DHX37: variants seen among roughly 807,000 people sequenced by gnomAD.
DHX37 encodes the protein DEAH-box helicase 37, also known as probable ATP-dependent RNA helicase DHX37.
Under a neutral mutation model 134.3 loss-of-function variants are expected in DHX37, and 52 were observed. The observed-to-expected ratio is 0.39, with a 90% CI of 0.31 to 0.49. DHX37 has a LOEUF of 0.49. Ranked by LOEUF, DHX37 falls within the 20% of genes least tolerant of loss-of-function variation. The probability of loss-of-function intolerance (pLI) is 0.93; values close to 1 mark genes in which losing one functional copy is unlikely to be tolerated. For synonymous variants in DHX37, 634 were observed against 670.7 expected, an observed-to-expected ratio of 0.95 and a Z score of 0.85; for missense variants, 1,344 against 1,580.8, an observed-to-expected ratio of 0.85 and a Z score of 2.54.
At chr12:124,963,751 G>A (rs1361037867) in intron 15 of DHX37, among the ~76,000 whole-genome samples, 1 of 150,424 alleles carries the variant, frequency 6.6e-6, no homozygotes, top group Non-Finnish European at 1.5e-5. Flanking sequence ...GTGGTGGCAG[G>A]TGCCTGTAGT....
At chr12:124,974,187 C>A (rs976180401) in intron 6 of DHX37, among the ~76,000 whole-genome samples, 2 of 151,784 alleles carry the variant, frequency 1.3e-5, no homozygotes, top group African/African-American at 2.4e-5. Flanking sequence ...ATCTCCTGAC[C>A]TCATGATCCA....
intron 20 of DHX37, 80 bp downstream of exon 20, chr12:124,953,800 T>C: frequency 1.3e-6 from 2 of 1,561,760 alleles, no homozygotes; most frequent in Non-Finnish European, 1.7e-6. Flanking sequence ...GTGGACTCTA[T>C]GGATCACTTT....
rs1953908504 is a variant in DHX37, at chr12:124,948,091, G to A, written c.3381C>T (p.Asn1127=). The A allele has an allele frequency of 6.2e-7, 1 of 1,614,112 alleles. No homozygotes were observed. The highest frequency in any genetic ancestry group is 1.3e-5 in the African/African-American group (1 of 74,942). The part of the protein sequence containing the change: ...HEALLAAWKK[N]PKYLLAEYCE... ...GGCCCTGGTCAAACTCACATTTGGG[G>A]TTTTTCTTCCAAGCAGCCAGCAAGG... Residue 1127 remains asparagine, a synonymous_variant, in exon 26 of 27, where the codon AAC becomes AAT. Coordinates refer to ENST00000308736, the MANE Select transcript of DHX37 (RefSeq NM_032656.4).
intron 2 of DHX37, 71 bp from the exon 3 acceptor site, chr12:124,982,694 A>G (rs887066162): frequency 5.1e-6 from 8 of 1,565,382 alleles, no homozygotes; most frequent in African/African-American, 2.7e-5. Context: ...GTGAGACTGT[A>G]ATAAAATTTC....
chr12:124,963,956 G>C (rs1456029896), intron 15 of DHX37, among the ~76,000 whole-genome samples: 3 of 150,394 alleles, frequency 2.0e-5, no homozygotes, highest in Non-Finnish European at 4.4e-5. Flanking sequence ...TCAGGAGTTC[G>C]AGACCAGTCT....
rs116316974 is a variant in DHX37, at chr12:124,965,867, G to A, written c.1591-55C>T. ...CTGCAGGGATCCTGGGTGTGAGGAC[G>A]TGGCACGTGCAGGAAGACAGGTGCC... On this transcript the variant is annotated intron_variant, in intron 12 of 26. Coordinates refer to ENST00000308736, the MANE Select transcript of DHX37 (RefSeq NM_032656.4). The A allele has an allele frequency of 1.9e-4, 308 of 1,580,024 alleles. 1 individual carries two copies. In the African/African-American group the frequency reaches 3.6e-3, roughly 18 times the overall value.
At chr12:124,954,906 C>T (rs546379277) in intron 18 of DHX37, among the ~76,000 whole-genome samples, 2 of 152,288 alleles carry the variant, frequency 1.3e-5, no homozygotes, top group South Asian at 4.1e-4. Flanking sequence ...ATCATCATCC[C>T]CATTTTCCAG....
intron 8 of DHX37, 43 bp downstream of exon 8, chr12:124,971,259 G>T (rs200430139): frequency 2.6e-4 from 415 of 1,592,566 alleles, no homozygotes; most frequent in Admixed American, 2.1e-3. Flanking sequence ...AGCTGGGGGG[G>T]GCCTAGGGCT....
chr12:124,964,834 A>C, intron 14 of DHX37, 96 bp downstream of exon 14: 3 of 1,456,086 alleles, frequency 2.1e-6, no homozygotes, highest in Non-Finnish European at 2.8e-6. Context: ...ATGCTGATCA[A>C]ACAGCAGATG....
intron 10 of DHX37, 94 bp downstream of exon 10, chr12:124,968,440 C>A: frequency 1.3e-6 from 2 of 1,560,544 alleles, no homozygotes; most frequent in Non-Finnish European, 1.7e-6. Flanking sequence ...AGGGACTTTT[C>A]TGAGCCACTC....
intron 16 of DHX37, 139 bp downstream of exon 16, chr12:124,960,173 G>A: frequency 7.1e-7 from 1 of 1,417,976 alleles, no homozygotes; most frequent in Non-Finnish European, 9.5e-7. Context: ...GAAGCCCTGG[G>A]AGCACCTGCT....
In DHX37 at chr12:124,954,183, T is replaced by C. The variant is rs2135931419; in HGVS notation, c.2482A>G (p.Arg828Gly). The C allele has an allele frequency of 6.8e-6, 11 of 1,609,538 alleles. No homozygotes were observed. Among genetic ancestry groups the C allele is most frequent in the Non-Finnish European group, 9.3e-6 (11 of 1,178,128 alleles). Residue 828 changes from arginine (R) to glycine (G), a missense_variant, in exon 19 of 27, where the codon AGG (arginine) becomes GGG (glycine). Physicochemically the swap from Arg to Gly is moderately radical, Grantham distance 125. This residue lies in a region of DHX37 where 558 missense variants were observed against 650.0 expected (regional missense o/e 0.86). Transcript: ENST00000308736. ...RPAASDEELT[R>G]LKSKRARVAQ... ...ACCCGGGCCCGCTTGCTCTTCAGCC[T>C]GGTGAGCTCCTCGTCACTGGCCGCT...
chr12:124,980,154 C>T lies in DHX37; in HGVS notation c.738+336G>A, dbSNP rs1447134960. Among the ~76,000 whole-genome samples, 2 of 152,216 alleles carry T rather than the reference C, an allele frequency of 1.3e-5. No individual in the cohort carries two copies. Among genetic ancestry groups the T allele is most frequent in the African/African-American group, 2.4e-5 (1 of 41,452 alleles). On this transcript the variant is annotated intron_variant, in intron 4 of 26. Coordinates refer to ENST00000308736, the MANE Select transcript of DHX37 (RefSeq NM_032656.4). The surrounding 1 kb of genome is among the most constrained non-coding windows in gnomAD (Gnocchi z 5.3). Reference sequence around the variant, plus strand: ...GAGCAGGGGAATCAGCACTTGATTTCGGGTCAACTGATTCACAGCCCAAAC... The same window carrying T: ...GAGCAGGGGAATCAGCACTTGATTTTGGGTCAACTGATTCACAGCCCAAAC...
intron 10 of DHX37, among the ~76,000 whole-genome samples, chr12:124,968,138 C>T (rs973510749): frequency 6.6e-6 from 1 of 151,836 alleles, no homozygotes; most frequent in Admixed American, 6.6e-5. Context: ...AAGGTCACAT[C>T]CATTTCAGTA....
At position 124,952,922 on chromosome 12, in the gene DHX37, G is replaced by C. The variant is rs1166873053; in HGVS notation, c.2696-352C>G. 3.0e-5 allele frequency: 5 copies of C among 164,704 alleles called. No homozygotes were observed. In the East Asian group the frequency reaches 8.4e-4, roughly 28 times the overall value. The allele number at this position is 164,704 out of a possible 1,614,324, so 10.2% of individuals were successfully genotyped here. On this transcript the variant is annotated intron_variant, in intron 20 of 26. Coordinates refer to ENST00000308736, the MANE Select transcript of DHX37 (RefSeq NM_032656.4). ...GAATTCCTGGGAACGTTCAATACGG[G>C]AACAGGACAGCCGGCGGGTGCCCTG...
Position 124,989,057 on chromosome 12 carries a change from G to A in DHX37, c.-35C>T. On this transcript the variant is annotated 5_prime_UTR_variant, in exon 1 of 27. Transcript: ENST00000308736. ...GCCAGGGTGGGCGCTCCAGCGGCCG[G>A]ACCAGCAGAGCAATCCGAAACCCAG... is the stretch of plus-strand genomic sequence containing the variant. The A allele has an allele frequency of 7.7e-7, 1 of 1,297,878 alleles. No individual in the cohort carries two copies. Among genetic ancestry groups the A allele is most frequent in the Non-Finnish European group, 9.9e-7 (1 of 1,013,044 alleles). The allele number at this position is 1,297,878 out of a possible 1,614,324, so 80.4% of individuals were successfully genotyped here.
chr12:124,977,666 G>A (rs550888332), intron 4 of DHX37, among the ~76,000 whole-genome samples, 176 bp from the exon 5 acceptor site: 1 of 152,294 alleles, frequency 6.6e-6, no homozygotes, highest in South Asian at 2.1e-4. Context: ...CAGAGACAGG[G>A]ATCACATCCT....
chr12:124,964,525 A>G lies in DHX37; in HGVS notation c.1914T>C (p.Cys638=). The change falls in exon 15 of 27, where the codon TGT becomes TGC. Residue 638 remains cysteine (C), a synonymous_variant. Coordinates refer to ENST00000308736, the MANE Select transcript of DHX37 (RefSeq NM_032656.4). ...TIPGIKYVVD[C]GKVKKRYYDR... ...CGTAGTAGCGTTTCTTGACCTTCCC[A>G]CAGTCCACCACGTACTTGATGCCAG... 2.5e-6 allele frequency: 4 copies of G among 1,614,044 alleles called. No homozygotes were observed. The highest frequency in any genetic ancestry group is 3.4e-6 in the Non-Finnish European group (4 of 1,179,910).
chr12:124,988,052 G>C lies in DHX37; in HGVS notation c.106+865C>G, dbSNP rs1369961083. On this transcript the variant is annotated intron_variant, in intron 1 of 26. Coordinates refer to ENST00000308736, the MANE Select transcript of DHX37 (RefSeq NM_032656.4). ...TCTCTCACCCAGGCTAGAGTACAGT[G>C]GTGCGATCTTGGCTCACTGCAACCT... Among the ~76,000 whole-genome samples the C allele has an allele frequency of 2.1e-5, 3 of 145,108 alleles. No individual in the cohort carries two copies. In the East Asian group the frequency reaches 6.1e-4, roughly 29 times the overall value.
Sources: gnomAD v4.1 joint callset for allele counts (sites outside exome capture counted in the v4.1 genomes callset) on GRCh38, gnomAD v4.1.1 for gene constraint, gnomAD v4.1.1 regional missense constraint, Gnocchi (gnomAD v3.1) non-coding constraint, MANE v1.5 for transcripts, NCBI Gene and HGNC (gene_info 2026-07-23, HGNC 2026-07-21) for gene names.